The following KALRN variants were observed in gnomAD, a reference collection of about 807,000 sequenced individuals.
The protein encoded by KALRN is kalirin.
A neutral mutation model predicts 353.7 loss-of-function variants in KALRN; 70 were observed. The observed-to-expected ratio is 0.20, with a 90% CI of 0.16 to 0.24. The LOEUF (loss-of-function observed/expected upper bound fraction) is 0.24. Among genes scored for constraint, KALRN ranks in the 10% least tolerant of loss-of-function variants. The pLI is 1.00. For missense variants in KALRN, 2,791 were observed against 3,756.7 expected, an observed-to-expected ratio of 0.74 and a Z score of 6.72; for synonymous variants, 1,391 against 1,434.8, an observed-to-expected ratio of 0.97 and a Z score of 0.69.
At chr3:124,457,680 T>G (rs536591) in intron 23 of KALRN, among the ~76,000 whole-genome samples, 2 of 152,196 alleles carry the variant, frequency 1.3e-5, no homozygotes, top group African/African-American at 4.8e-5. Flanking sequence ...ATATAATAAG[T>G]CTTAGAAAAG....
intron 3 of KALRN, among the ~76,000 whole-genome samples, chr3:124,260,769 C>T (rs1344988318): frequency 1.3e-5 from 2 of 152,172 alleles, no homozygotes; most frequent in African/African-American, 2.4e-5. Flanking sequence ...CTCAGAGCTG[C>T]ACTCTCTTGC....
intron 1 of KALRN, among the ~76,000 whole-genome samples, chr3:124,184,126 G>A (rs2073937415): frequency 6.6e-6 from 1 of 152,204 alleles, no homozygotes; most frequent in Non-Finnish European, 1.5e-5. Context: ...ACACAGGCAT[G>A]GAGGCTGGAA....
At chr3:124,116,932 T>C (rs1049245472) in intron 1 of KALRN, among the ~76,000 whole-genome samples, 1 of 152,204 alleles carries the variant, frequency 6.6e-6, no homozygotes, top group Admixed American at 6.5e-5. Flanking sequence ...GAGTCAGATG[T>C]TGGACTGTTC....
intron 13 of KALRN, among the ~76,000 whole-genome samples, chr3:124,411,259 ATAGTT>A (rs1210209183): frequency 2.0e-5 from 3 of 152,042 alleles, no homozygotes; most frequent in East Asian, 3.9e-4. Flanking sequence ...GAAAGGCTCT[ATAGTT>A]TATTTTTGGC....
intron 49 of KALRN, 110 bp from the exon 50 acceptor site, chr3:124,678,080 G>A (rs778844585): frequency 8.1e-5 from 98 of 1,215,546 alleles, no homozygotes; most frequent in Middle Eastern, 2.8e-4. Context: ...TCTGAAGCCC[G>A]GGCTTGATGG....
chr3:124,406,736 C>T (rs540260819), intron 13 of KALRN, among the ~76,000 whole-genome samples: 68 of 151,950 alleles, frequency 4.5e-4, no homozygotes, highest in African/African-American at 9.2e-4. Flanking sequence ...ACAGTAATGC[C>T]GTGATCAAGT....
intron 1 of KALRN, chr3:124,153,188 A>G (rs1416312949): frequency 6.6e-6 from 1 of 152,504 alleles, no homozygotes; most frequent in Non-Finnish European, 1.4e-5. Context: ...ACATATGTAC[A>G]CATGTGCCAT....
At chr3:124,487,671 A>G (rs1168712046) in intron 28 of KALRN, among the ~76,000 whole-genome samples, 1 of 152,248 alleles carries the variant, frequency 6.6e-6, no homozygotes, top group South Asian at 2.1e-4. Flanking sequence ...GGGATGTCAT[A>G]AGCCTATTAA....
chr3:124,264,454 T>G, intron 3 of KALRN, 44 bp from the exon 4 acceptor site: 1 of 1,575,972 alleles, frequency 6.3e-7, no homozygotes, highest in Non-Finnish European at 8.7e-7. Flanking sequence ...CTCCAAAGTC[T>G]CAGCTACCCA....
In KALRN at chr3:124,326,145, G is replaced by A. The variant is rs771263399; in HGVS notation, c.1258G>A (p.Ala420Thr). ...DERSTILAMS[A>T]VFHQKAEQFL... ...ACGCAGCACCATCCTCGCCATGTCTGCTGTGTTCCACCAGAAGGCTGAGCA... is the reference window on the plus strand; with the variant it reads ...ACGCAGCACCATCCTCGCCATGTCTACTGTGTTCCACCAGAAGGCTGAGCA... Residue 420 changes from alanine (A) to threonine (T), a missense_variant, in exon 7 of 60, where the codon GCT becomes ACT. This residue lies in a region of KALRN where 366 missense variants were observed against 489.2 expected (regional missense o/e 0.75). Coordinates refer to ENST00000682506, the MANE Select transcript of KALRN (RefSeq NM_001388419.1). 6.2e-7 allele frequency: 1 copy of A among 1,612,578 alleles called. No homozygotes were observed. Among genetic ancestry groups the A allele is most frequent in the Non-Finnish European group, 8.5e-7 (1 of 1,179,264 alleles).
At chr3:124,656,366 T>C (rs1489261234) in intron 39 of KALRN, among the ~76,000 whole-genome samples, 1 of 152,158 alleles carries the variant, frequency 6.6e-6, no homozygotes, top group Non-Finnish European at 1.5e-5. Context: ...ATCCCAGCAC[T>C]TTGGGAGGCT....
chr3:124,152,297 G>A (rs2068220242), intron 1 of KALRN: 1 of 1,221,150 alleles, frequency 8.2e-7, no homozygotes, highest in South Asian at 1.2e-5. Flanking sequence ...ACAGTCCTCA[G>A]CATATTAATT....
At chr3:124,270,527 GT>G (rs1182242591) in intron 5 of KALRN, among the ~76,000 whole-genome samples, 1 of 151,990 alleles carries the variant, frequency 6.6e-6, no homozygotes, top group Non-Finnish European at 1.5e-5. Context: ...AGTATATGCA[GT>G]TTTTTTAATG....
Position 124,554,177 on chromosome 3 carries a change from G to A in KALRN, c.4936-8666G>A, listed in dbSNP as rs182344924. ...TCGAGACCAGCCTGGGTAACATGGCGAAACCCCATCTCCACTAAAAATACT... is the reference window on the plus strand; with the variant it reads ...TCGAGACCAGCCTGGGTAACATGGCAAAACCCCATCTCCACTAAAAATACT... On this transcript the variant is annotated intron_variant, in intron 33 of 59. Transcript: ENST00000682506. 8.5e-5 allele frequency among the ~76,000 whole-genome samples: 13 copies of A among 152,314 alleles called. No individual in the cohort carries two copies. The East Asian group carries it at 2.1e-3, about 25-fold the overall frequency.
chr3:124,303,111 A>G (rs958852367), intron 6 of KALRN, among the ~76,000 whole-genome samples: 3 of 152,342 alleles, frequency 2.0e-5, no homozygotes, highest in East Asian at 3.9e-4. Flanking sequence ...AATTTTATCT[A>G]TGAATTGGTA....
At chr3:124,308,486 G>T (rs2149283556) in intron 6 of KALRN, among the ~76,000 whole-genome samples, 1 of 151,992 alleles carries the variant, frequency 6.6e-6, no homozygotes, top group East Asian at 1.9e-4. Flanking sequence ...CATCACAATG[G>T]AATGAAATTA....
rs182438799 is a variant in KALRN at position 124,538,395 on chromosome 3, G to A, written c.4936-24448G>A. On this transcript the variant is annotated intron_variant, in intron 33 of 59. Coordinates refer to ENST00000682506, the MANE Select transcript of KALRN (RefSeq NM_001388419.1). ...GTAGTTAAGAAGAAATTATCACTGG[G>A]TGATAGTTGTTGGTCAGAGGAGAAG... is the stretch of plus-strand genomic sequence containing the variant. Among the ~76,000 whole-genome samples the A allele has an allele frequency of 2.2e-4, 34 of 152,240 alleles. No homozygotes were observed. In the East Asian group the frequency reaches 6.6e-3, roughly 29 times the overall value.
In KALRN at chr3:124,264,949, T is replaced by G. The variant is rs75618881; in HGVS notation, c.456+259T>G. On this transcript the variant is annotated intron_variant, in intron 4 of 59. Transcript: ENST00000682506. ...TTGTGTTAACTGGGACAACTGTTTG[T>G]GGAGGCAGCTTTGCAATTTGTAACA... Among the ~76,000 whole-genome samples the G allele has an allele frequency of 3.3e-5, 5 of 152,340 alleles. No individual in the cohort carries two copies. In the East Asian group the frequency reaches 5.8e-4, roughly 18 times the overall value.
At chr3:124,228,326 G>A (rs574368202) in intron 2 of KALRN, among the ~76,000 whole-genome samples, 1 of 152,332 alleles carries the variant, frequency 6.6e-6, no homozygotes, top group Admixed American at 6.5e-5. Flanking sequence ...GCCTGGCCCT[G>A]TGAGAGTTGC....
Sources: gnomAD v4.1 joint callset for allele counts (sites outside exome capture counted in the v4.1 genomes callset) on GRCh38, gnomAD v4.1.1 for gene constraint, gnomAD v4.1.1 regional missense constraint, MANE v1.5 for transcripts, NCBI Gene and HGNC (gene_info 2026-07-23, HGNC 2026-07-21) for gene names.